Variants in RNF123 observed in about 807,000 individuals in gnomAD.
RNF123 encodes E3 ubiquitin-protein ligase RNF123.
In RNF123, 86 loss-of-function variants were observed where a neutral mutation model predicts 168.5. The observed-to-expected ratio is 0.51, with a 90% CI of 0.43 to 0.61. The LOEUF (loss-of-function observed/expected upper bound fraction) is 0.61, where lower values mean the gene tolerates loss of function less well. RNF123 is among the 20% of genes least tolerant of loss of function. The pLI is 0.00. For synonymous variants in RNF123, 666 were observed against 689.1 expected, an observed-to-expected ratio of 0.97 and a Z score of 0.52; for missense variants, 1,419 against 1,729.7, an observed-to-expected ratio of 0.82 and a Z score of 3.19.
At chr3:49,719,472 G>A in intron 35 of RNF123, 3 of 1,606,402 alleles carry the variant, frequency 1.9e-6, no homozygotes, top group Non-Finnish European at 2.6e-6. Flanking sequence ...TCATGGCGGC[G>A]ACCACCAGGG....
intron 35 of RNF123, 64 bp downstream of exon 35, chr3:49,716,541 A>G: frequency 7.3e-7 from 1 of 1,369,180 alleles, no homozygotes; most frequent in Non-Finnish European, 1.0e-6. Context: ...GGGGCTGGAC[A>G]GGGCCTCCTG....
rs2080236433 is a variant in RNF123 at position 49,715,993 on chromosome 3, C to T, written c.3322C>T (p.Leu1108=). 6.2e-7 allele frequency: 1 copy of T among 1,613,998 alleles called. No homozygotes were observed. Among genetic ancestry groups the T allele is most frequent in the Non-Finnish European group, 8.5e-7 (1 of 1,180,032 alleles). ...GACCCGGCCTACCTCTGAGATGCTG[C>T]TGCGGCGTCTTGCACAGGTGTGGCC... ...DWTRPTSEML[L]RRLAQLLNQV... Residue 1108 remains leucine, a synonymous_variant, in exon 33 of 39, where the codon CTG becomes TTG. Coordinates refer to ENST00000327697, the MANE Select transcript of RNF123 (RefSeq NM_022064.5).
chr3:49,708,462 T>C (rs1304440968), intron 26 of RNF123, among the ~76,000 whole-genome samples: 3 of 152,180 alleles, frequency 2.0e-5, no homozygotes, highest in South Asian at 2.1e-4. Flanking sequence ...GGGGGAGCAG[T>C]GGTTCTGGCA....
rs534126431 is a variant in RNF123 at position 49,718,228 on chromosome 3, G to C, written c.3500+1751G>C. Reference sequence around the variant, plus strand: ...TTGGGGCCAGCGGCGGCAGCGGCAGGCACGGCGGCAGCAGCGGCAGGGTGG... The same window carrying C: ...TTGGGGCCAGCGGCGGCAGCGGCAGCCACGGCGGCAGCAGCGGCAGGGTGG... On this transcript the variant is annotated intron_variant, in intron 35 of 38. Transcript: ENST00000327697. 13 of 1,610,822 alleles carry C rather than the reference G, an allele frequency of 8.1e-6. No individual in the cohort carries two copies. The South Asian group carries it at 1.4e-4, about 18-fold the overall frequency.
At position 49,706,861 on chromosome 3, in the gene RNF123, G is replaced by A. The variant is rs772954203; in HGVS notation, c.2459G>A (p.Arg820His). ...TCAGAAAAGCTGGACCACCTGAGCC[G>A]CCGTCTTGCCTGGGTCCATGCCACT... is the stretch of plus-strand genomic sequence containing the variant. Reference protein sequence around the residue: ...VFSEKLDHLSRRLAWVHATVY... With the variant: ...VFSEKLDHLSHRLAWVHATVY... Residue 820 changes from arginine to histidine, a missense_variant, in exon 26 of 39, where the codon CGC becomes CAC. Arg to His is a conservative substitution (Grantham distance 29). Transcript: ENST00000327697. 35 of 1,614,172 alleles carry A rather than the reference G, an allele frequency of 2.2e-5. No individual in the cohort carries two copies. Among genetic ancestry groups the A allele is most frequent in the Middle Eastern group, 1.7e-4 (1 of 6,060 alleles).
intron 7 of RNF123, 56 bp from the exon 8 acceptor site, chr3:49,698,384 C>A (rs1286767730): frequency 2.1e-6 from 3 of 1,450,898 alleles, no homozygotes; most frequent in Non-Finnish European, 2.9e-6. Flanking sequence ...GATTGGTGGG[C>A]TCTGGCCCAG....
chr3:49,702,039 C>T (rs528403324), intron 17 of RNF123, 44 bp from the exon 18 acceptor site: 1 of 1,601,602 alleles, frequency 6.2e-7, no homozygotes, highest in Non-Finnish European at 8.5e-7. Flanking sequence ...ACCTGCCCCC[C>T]ATCTCCTGGA....
At chr3:49,695,478 A>G (rs1330412211) in intron 3 of RNF123, among the ~76,000 whole-genome samples, 5 of 152,176 alleles carry the variant, frequency 3.3e-5, no homozygotes, top group African/African-American at 9.7e-5. Context: ...TTAGCCTTCT[A>G]TGCTACTAGC....
chr3:49,715,413 C>A (rs1559687081), intron 31 of RNF123, 162 bp from the exon 32 acceptor site: 2 of 829,480 alleles, frequency 2.4e-6, no homozygotes, highest in Non-Finnish European at 3.7e-6. Flanking sequence ...CCAACTAACT[C>A]CAAGGCAGCT....
chr3:49,705,953 C>G, intron 24 of RNF123, 29 bp from the exon 25 acceptor site: 1 of 1,609,284 alleles, frequency 6.2e-7, no homozygotes, highest in Non-Finnish European at 8.5e-7. Context: ...CCAAGGGGCA[C>G]TCTGGACATG....
chr3:49,715,890 C>G lies in RNF123; in HGVS notation c.3219C>G (p.Thr1073=). Residue 1073 remains threonine (T), a synonymous_variant, in exon 33 of 39, where the codon ACC becomes ACG. Transcript: ENST00000327697. The part of the protein sequence containing the change: ...VDSRQLKVCA[T]CFDLSVSLLR... ...GCCGGCAGCTCAAGGTATGTGCCAC[C>G]TGCTTTGACCTCTCGGTCAGCCTGC... The G allele has an allele frequency of 6.2e-7, 1 of 1,614,122 alleles. No individual in the cohort carries two copies. The highest frequency in any genetic ancestry group is 8.5e-7 in the Non-Finnish European group (1 of 1,180,046).
In RNF123 at chr3:49,701,565, A is replaced by G; in HGVS notation, c.1352A>G (p.Glu451Gly). The G allele has an allele frequency of 6.2e-7, 1 of 1,613,794 alleles. No homozygotes were observed. Among genetic ancestry groups the G allele is most frequent in the Non-Finnish European group, 8.5e-7 (1 of 1,180,002 alleles). Residue 451 changes from glutamate to glycine, a missense_variant, in exon 16 of 39, where the codon GAG becomes GGG. Physicochemically the swap from Glu to Gly is moderately conservative, Grantham distance 98. Around this residue, in one of 5 missense-constraint regions of RNF123, gnomAD observed 349 missense variants for 344.9 expected, o/e 1.01. Transcript: ENST00000327697. ...CGTGTGGAGGAGGCCGGCCTGCAGG[A>G]GCTCATTCCCACCACCTGGTGGCCC... The part of the protein sequence containing the change: ...PLRVEEAGLQ[E>G]LIPTTWWPHC...
chr3:49,714,631 G>T (rs896750717), intron 31 of RNF123, among the ~76,000 whole-genome samples: 1 of 152,254 alleles, frequency 6.6e-6, no homozygotes, highest in Non-Finnish European at 1.5e-5. Context: ...TCCACTGGGA[G>T]CACAGATTGG....
chr3:49,697,459 T>A lies in RNF123; in HGVS notation c.342+2T>A. ...CTGGTGGATGATGACCTGCTGGGGG[T>A]GAGTGAGGGTGAGGTGTGGAGACCC... On this transcript the variant is annotated splice_donor_variant, in intron 5 of 38. Transcript: ENST00000327697. LOFTEE classifies it high-confidence loss of function. 6.3e-7 allele frequency: 1 copy of A among 1,594,652 alleles called. No homozygotes were observed. The highest frequency in any genetic ancestry group is 8.5e-7 in the Non-Finnish European group (1 of 1,170,158).
chr3:49,703,584 C>T, intron 21 of RNF123, 56 bp downstream of exon 21: 4 of 1,429,556 alleles, frequency 2.8e-6, no homozygotes, highest in Non-Finnish European at 2.9e-6. Context: ...GGGACTGTCC[C>T]TGAGCCTGCT....
intron 31 of RNF123, 132 bp from the exon 32 acceptor site, chr3:49,715,443 C>T: frequency 9.0e-7 from 1 of 1,114,898 alleles, no homozygotes; most frequent in Admixed American, 2.3e-5. Context: ...CCCCTGCTTT[C>T]ATGACCTGAG....
At chr3:49,697,287 G>C (rs1281998294) in intron 4 of RNF123, 65 bp downstream of exon 4, 2 of 1,594,918 alleles carry the variant, frequency 1.3e-6, no homozygotes, top group Non-Finnish European at 1.7e-6. Flanking sequence ...GCCTGGAGAC[G>C]TCTGGTGAGC....
chr3:49,706,829 G>A lies in RNF123; in HGVS notation c.2427G>A (p.Lys809=). The A allele has an allele frequency of 6.2e-7, 1 of 1,614,202 alleles. No individual in the cohort carries two copies. The highest frequency in any genetic ancestry group is 8.5e-7 in the Non-Finnish European group (1 of 1,180,020). ...TTGCAGAGTTGACCAAGAGCCAGAA[G>A]GTTTTCTCAGAAAAGCTGGACCACC... is the stretch of plus-strand genomic sequence containing the variant. The part of the protein sequence containing the change: ...DILAELTKSQ[K]VFSEKLDHLS... The change falls in exon 26 of 39, where the codon AAG becomes AAA. Residue 809 remains lysine, a synonymous_variant. Transcript: ENST00000327697.
intron 13 of RNF123, 36 bp from the exon 14 acceptor site, chr3:49,700,435 GC>G: frequency 6.2e-7 from 1 of 1,612,258 alleles, no homozygotes; most frequent in Non-Finnish European, 8.5e-7. Context: ...CTTGGAAAAG[GC>G]CCCAGTCATG....
Sources: allele counts gnomAD v4.1 joint callset (sites outside exome capture counted in the v4.1 genomes callset), GRCh38; gene constraint gnomAD v4.1.1; regional missense constraint gnomAD v4.1.1; transcripts MANE v1.5; gene names NCBI Gene and HGNC (gene_info 2026-07-23, HGNC 2026-07-21).